Variants in GRAMD2B observed in about 807,000 individuals in gnomAD.
GRAMD2B encodes the protein GRAM domain-containing protein 2B.
In GRAMD2B, 41 loss-of-function variants were observed where a neutral mutation model predicts 59.2. The ratio of observed to expected loss-of-function variants is 0.69; its 90% CI spans 0.54 to 0.90. GRAMD2B has a LOEUF of 0.90. GRAMD2B is among the 40% of genes least tolerant of loss of function. The pLI is 0.00. For synonymous variants in GRAMD2B, 161 were observed against 182.7 expected, an observed-to-expected ratio of 0.88 and a Z score of 0.96; for missense variants, 424 against 500.5, an observed-to-expected ratio of 0.85 and a Z score of 1.46.
rs189506114 is a variant in GRAMD2B, at chr5:126,365,971, G to A, written c.128+5512G>A. 2.7e-3 allele frequency among the ~76,000 whole-genome samples: 409 copies of A among 152,224 alleles called. 6 individuals carry two copies. The highest frequency in any genetic ancestry group is 0.024 in the Admixed American group (366 of 15,292). On this transcript the variant is annotated intron_variant, in intron 1 of 13. Coordinates refer to the GRAMD2B transcript ENST00000513040. The stretch of plus-strand genomic sequence containing the variant: ...CACAAAAAAAGAAAGATTATCTAAA[G>A]TCCAATCTTGCCATGTCTACTTACA...
At position 126,399,538 on chromosome 5, in the gene GRAMD2B, C is replaced by A. The variant is rs563177145; in HGVS notation, c.125+27971C>A. On this transcript the variant is annotated intron_variant, in intron 1 of 8. Transcript: ENST00000506445. ...CACCATGTAAGACATGTCTTCCTTC[C>A]CCTTCGCCTTCCACCATGATTGTAA... Among the ~76,000 whole-genome samples, 4 of 152,256 alleles carry A rather than the reference C, an allele frequency of 2.6e-5. No homozygotes were observed. In the South Asian group the frequency reaches 8.3e-4, roughly 32 times the overall value.
intron 13 of GRAMD2B, among the ~76,000 whole-genome samples, chr5:126,491,591 T>C (rs565615105): frequency 1.3e-5 from 2 of 152,308 alleles, no homozygotes; most frequent in East Asian, 3.9e-4. Context: ...CCCTTCCTCC[T>C]CACTCACCTG....
At chr5:126,449,019 TAGAA>T (rs1351833000) in intron 1 of GRAMD2B, among the ~76,000 whole-genome samples, 1 of 152,082 alleles carries the variant, frequency 6.6e-6, no homozygotes, top group African/African-American at 2.4e-5. Context: ...GGAAATCCAG[TAGAA>T]AGGAGTGGCA....
chr5:126,393,833 T>C (rs1561474646), intron 1 of GRAMD2B, among the ~76,000 whole-genome samples: 1 of 152,102 alleles, frequency 6.6e-6, no homozygotes, highest in East Asian at 1.9e-4. Context: ...GAACAGACTC[T>C]AGAAAGCATA....
intron 1 of GRAMD2B, among the ~76,000 whole-genome samples, chr5:126,383,500 C>T (rs948781988): frequency 3.9e-5 from 6 of 152,154 alleles, no homozygotes; most frequent in African/African-American, 1.4e-4. Flanking sequence ...GTGCCTTACT[C>T]ATGGGAACTT....
chr5:126,413,713 T>C (rs1460416672), intron 1 of GRAMD2B, among the ~76,000 whole-genome samples: 1 of 152,126 alleles, frequency 6.6e-6, no homozygotes, highest in Admixed American at 6.6e-5. Flanking sequence ...TCCCCCACTA[T>C]TATTGTGTGA....
chr5:126,468,885 G>A (rs569884558), intron 2 of GRAMD2B, among the ~76,000 whole-genome samples: 1 of 152,082 alleles, frequency 6.6e-6, no homozygotes, highest in Admixed American at 6.5e-5. Context: ...ATCATGTACT[G>A]CCTTTTTAAA....
At chr5:126,487,019 C>A (rs1384739737) in intron 12 of GRAMD2B, 42 bp downstream of exon 12, 1 of 1,044,026 alleles carries the variant, frequency 9.6e-7, no homozygotes, top group South Asian at 1.3e-5. Flanking sequence ...TGCCATTCTG[C>A]TTAATATAAT....
At chr5:126,491,645 T>G (rs116246051) in intron 13 of GRAMD2B, among the ~76,000 whole-genome samples, 169 of 152,218 alleles carry the variant, frequency 1.1e-3, no homozygotes, top group African/African-American at 3.9e-3. Flanking sequence ...TAAAAAACAA[T>G]ATGTTCTTTC....
intron 1 of GRAMD2B, among the ~76,000 whole-genome samples, chr5:126,389,429 C>G (rs573238184): frequency 2.0e-5 from 3 of 152,188 alleles, no homozygotes; most frequent in Non-Finnish European, 4.4e-5. Context: ...TAGATCACCT[C>G]CTGAATTGCC....
At chr5:126,414,871 T>G (rs576287830) in intron 1 of GRAMD2B, among the ~76,000 whole-genome samples, 31 of 152,166 alleles carry the variant, frequency 2.0e-4, no homozygotes, top group African/African-American at 7.5e-4. Context: ...ATAACTACCC[T>G]CTCCTCATGA....
At chr5:126,369,246 C>T (rs1754617305), upstream of GRAMD2B, among the ~76,000 whole-genome samples, 1 of 150,156 alleles carries the variant, frequency 6.7e-6, no homozygotes, top group Non-Finnish European at 1.5e-5. Flanking sequence ...CTCCTTTTAA[C>T]TGTAAATGCT....
At chr5:126,363,936 C>T (rs891349501) in intron 1 of GRAMD2B, among the ~76,000 whole-genome samples, 3 of 152,002 alleles carry the variant, frequency 2.0e-5, no homozygotes, top group Admixed American at 2.0e-4. Context: ...TGTACTAAAG[C>T]CACTGAATTG....
At chr5:126,422,734 G>A (rs1759873409), upstream of GRAMD2B, among the ~76,000 whole-genome samples, 1 of 152,180 alleles carries the variant, frequency 6.6e-6, no homozygotes, top group Non-Finnish European at 1.5e-5. Context: ...GTCACCAAAA[G>A]GTGGGAAGAA....
At chr5:126,392,770 T>A (rs1306826024) in intron 1 of GRAMD2B, among the ~76,000 whole-genome samples, 1 of 152,114 alleles carries the variant, frequency 6.6e-6, no homozygotes, top group Non-Finnish European at 1.5e-5. Flanking sequence ...CTGTTCCACC[T>A]CAGATCATCA....
chr5:126,455,039 G>A (rs1766031896), intron 1 of GRAMD2B, among the ~76,000 whole-genome samples: 1 of 152,118 alleles, frequency 6.6e-6, no homozygotes, highest in Admixed American at 6.5e-5. Context: ...CCATCCCCCA[G>A]ATAACCTTGG....
intron 1 of GRAMD2B, among the ~76,000 whole-genome samples, chr5:126,394,338 G>A (rs1757160442): frequency 1.3e-5 from 2 of 152,022 alleles, no homozygotes; most frequent in Admixed American, 1.3e-4. Flanking sequence ...TCAGAGGTCA[G>A]GTGGAGAAAG....
chr5:126,473,569 A>G (rs1770022013), intron 5 of GRAMD2B, among the ~76,000 whole-genome samples: 1 of 151,982 alleles, frequency 6.6e-6, no homozygotes, highest in African/African-American at 2.4e-5. Flanking sequence ...CCTAAACATT[A>G]TTTTCTCACT....
chr5:126,413,293 G>A (rs905993295), intron 1 of GRAMD2B, among the ~76,000 whole-genome samples: 10 of 152,024 alleles, frequency 6.6e-5, no homozygotes, highest in African/African-American at 2.4e-4. Flanking sequence ...AGAGATTTTG[G>A]TATGTTGTGT....
Sources: allele counts gnomAD v4.1 joint callset (sites outside exome capture counted in the v4.1 genomes callset), GRCh38; gene constraint gnomAD v4.1.1; transcripts MANE v1.5; gene names NCBI Gene and HGNC (gene_info 2026-07-23, HGNC 2026-07-21).